Variants in TMTC3 observed in about 807,000 individuals in gnomAD.
TMTC3 encodes transmembrane O-mannosyltransferase targeting cadherins 3.
A neutral mutation model predicts 92.2 loss-of-function variants in TMTC3; 52 were observed. The ratio of observed to expected loss-of-function variants is 0.56; its 90% CI spans 0.45 to 0.71. TMTC3 has a LOEUF of 0.71. TMTC3 is among the 30% of genes least tolerant of loss of function. The pLI is 0.00. For missense variants in TMTC3, 896 were observed against 1,057.1 expected (o/e 0.85, Z 2.11); for synonymous variants, 339 against 363.3 (o/e 0.93, Z 0.76).
intron 2 of TMTC3, among the ~76,000 whole-genome samples, chr12:88,149,603 A>G (rs2040916781): frequency 1.3e-5 from 2 of 152,182 alleles, no homozygotes; most frequent in Admixed American, 6.5e-5. Context: ...GCACATAGAT[A>G]TTGAATAAAT....
chr12:88,156,417 T>C (rs182201046), intron 4 of TMTC3, among the ~76,000 whole-genome samples: 14 of 152,316 alleles, frequency 9.2e-5, no homozygotes, highest in African/African-American at 2.6e-4. Flanking sequence ...CTACCAGTGC[T>C]ACTAGGCACA....
intron 7 of TMTC3, among the ~76,000 whole-genome samples, chr12:88,170,490 A>C (rs2041192936): frequency 1.3e-5 from 2 of 152,170 alleles, no homozygotes; most frequent in African/African-American, 4.8e-5. Flanking sequence ...ATTTAAAAAA[A>C]CTGAAGTGTC....
At chr12:88,184,579 C>T (rs906406640) in intron 10 of TMTC3, among the ~76,000 whole-genome samples, 2 of 152,162 alleles carry the variant, frequency 1.3e-5, no homozygotes, top group African/African-American at 4.8e-5. Context: ...GGGAAGAAGG[C>T]TGAAAGAGAA....
At chr12:88,153,079 A>G (rs1310380883) in intron 2 of TMTC3, among the ~76,000 whole-genome samples, 1 of 152,172 alleles carries the variant, frequency 6.6e-6, no homozygotes, top group Non-Finnish European at 1.5e-5. Flanking sequence ...TCCAGGAGGA[A>G]ATTAACCTTG....
chr12:88,179,057 T>C (rs766831317), intron 10 of TMTC3, among the ~76,000 whole-genome samples: 6 of 152,214 alleles, frequency 3.9e-5, no homozygotes, highest in Non-Finnish European at 8.8e-5. Context: ...TCAGTTTGAC[T>C]TCACTATCAC....
At chr12:88,176,533 T>C (rs1389897285) in intron 10 of TMTC3, among the ~76,000 whole-genome samples, 1 of 152,134 alleles carries the variant, frequency 6.6e-6, no homozygotes. Context: ...CCCAGCACTT[T>C]GGGAGGCTGA....
Position 88,195,730 on chromosome 12 carries a change from A to C in TMTC3, c.*81A>C, listed in dbSNP as rs1356214703. 12 of 1,254,708 alleles carry C rather than the reference A, an allele frequency of 9.6e-6. No homozygotes were observed. The highest frequency in any genetic ancestry group is 1.3e-5 in the Non-Finnish European group (12 of 916,042). The allele number at this position is 1,254,708 out of a possible 1,614,324, so 77.7% of individuals were successfully genotyped here. A position where few individuals can be genotyped will look rare whatever the true frequency, so the allele number is the denominator to read the frequency against. ...TGCTTTTACTGGGAGCTTTGAAAAA[A>C]AGTTCAAGGGTTCCTAATGGTCAAT... is the stretch of plus-strand genomic sequence containing the variant. On this transcript the variant is annotated 3_prime_UTR_variant, in exon 14 of 14. Coordinates refer to ENST00000266712, the MANE Select transcript of TMTC3 (RefSeq NM_181783.4).
intron 13 of TMTC3, among the ~76,000 whole-genome samples, chr12:88,193,710 G>A (rs1002842347): frequency 3.9e-5 from 6 of 152,000 alleles, no homozygotes; most frequent in African/African-American, 7.3e-5. Flanking sequence ...TTTATCCATC[G>A]TGCTGCCAAA....
chr12:88,160,721 C>T lies in TMTC3; in HGVS notation c.667C>T (p.Arg223Cys), dbSNP rs1340823460. ...ATGTACTACTGCTGGACAGTTTCTC[C>T]GTGGAAAGGGTAGCATTCCATTTTC... The part of the protein sequence containing the change: ...LLCTTAGQFL[R>C]GKGSIPFSML... The change falls in exon 6 of 14, where the codon CGT becomes TGT. Residue 223 changes from arginine to cysteine, a missense_variant. Physicochemically the swap from Arg to Cys is radical, Grantham distance 180. Coordinates refer to ENST00000266712, the MANE Select transcript of TMTC3 (RefSeq NM_181783.4). 6 of 1,613,514 alleles carry T rather than the reference C, an allele frequency of 3.7e-6. No individual in the cohort carries two copies. Among genetic ancestry groups the T allele is most frequent in the East Asian group, 2.2e-5 (1 of 44,776 alleles).
At chr12:88,160,591 C>G in intron 5 of TMTC3, 88 bp from the exon 6 acceptor site, 1 of 1,140,246 alleles carries the variant, frequency 8.8e-7, no homozygotes, top group Non-Finnish European at 1.3e-6. Context: ...ATACTTGTAT[C>G]TAATCTTGCA....
intron 10 of TMTC3, among the ~76,000 whole-genome samples, chr12:88,182,781 G>C (rs909240305): frequency 1.3e-5 from 2 of 152,192 alleles, no homozygotes; most frequent in Non-Finnish European, 2.9e-5. Context: ...TGGTAGGACT[G>C]TTCAGCATCC....
intron 1 of TMTC3, among the ~76,000 whole-genome samples, chr12:88,146,307 G>A (rs2040872864): frequency 6.6e-6 from 1 of 152,010 alleles, no homozygotes; most frequent in Non-Finnish European, 1.5e-5. Flanking sequence ...CATTGATTCA[G>A]GATGTACCTT....
chr12:88,151,268 C>T (rs2040939805), intron 2 of TMTC3, among the ~76,000 whole-genome samples: 1 of 152,078 alleles, frequency 6.6e-6, no homozygotes, highest in South Asian at 2.1e-4. Flanking sequence ...GGCATTTGGC[C>T]TATAAAGTAC....
chr12:88,191,579 G>A (rs1355651582), intron 12 of TMTC3, among the ~76,000 whole-genome samples: 1 of 152,064 alleles, frequency 6.6e-6, no homozygotes, highest in African/African-American at 2.4e-5. Flanking sequence ...ACAGAAAATA[G>A]AACCACACTA....
intron 6 of TMTC3, among the ~76,000 whole-genome samples, chr12:88,162,198 C>G (rs900415710): frequency 6.6e-6 from 1 of 152,050 alleles, no homozygotes; most frequent in Non-Finnish European, 1.5e-5. Context: ...GTGGGAAAAC[C>G]TCTATCATCC....
chr12:88,169,988 CT>C (rs1167285324), intron 7 of TMTC3, among the ~76,000 whole-genome samples: 1 of 151,258 alleles, frequency 6.6e-6, no homozygotes, highest in Non-Finnish European at 1.5e-5. Context: ...CTGGAGGTGA[CT>C]GAGTGGTTTG....
chr12:88,193,086 A>T (rs910218477), intron 13 of TMTC3, among the ~76,000 whole-genome samples: 2 of 152,176 alleles, frequency 1.3e-5, no homozygotes, highest in African/African-American at 2.4e-5. Flanking sequence ...CAGGCAGTCT[A>T]TTAAGCAACA....
rs778078472 is a variant in TMTC3 at position 88,148,488 on chromosome 12, G to A, written c.173G>A (p.Gly58Glu). Residue 58 changes from glycine to glutamate, a missense_variant, in exon 2 of 14, where the codon GGA becomes GAA. By Grantham distance (98) the Gly-to-Glu change is moderately conservative (BLOSUM62 -2). Coordinates refer to ENST00000266712, the MANE Select transcript of TMTC3 (RefSeq NM_181783.4). ...ACTTTATTTCAAAATGACTTCTGGG[G>A]AACCCCTATGTCTGAGGTAAGTAAT... ...LKTLFQNDFW[G>E]TPMSEERSHK... 1 of 1,609,274 alleles carries A rather than the reference G, an allele frequency of 6.2e-7. No individual in the cohort carries two copies. The highest frequency in any genetic ancestry group is 1.1e-5 in the South Asian group (1 of 90,092).
Position 88,144,006 on chromosome 12 carries a change from C to G in TMTC3, c.-29+1519C>G, listed in dbSNP as rs533074233. 3.9e-5 allele frequency among the ~76,000 whole-genome samples: 6 copies of G among 152,246 alleles called. No individual in the cohort carries two copies. In the South Asian group the frequency reaches 1.2e-3, roughly 32 times the overall value. On this transcript the variant is annotated intron_variant, in intron 1 of 13. Transcript: ENST00000266712. ...ACTGTCATAGCACTGGTGGGAGTGT[C>G]TTTTAGGATGCTAATGCATTATAAT...
Sources: allele counts gnomAD v4.1 joint callset (sites outside exome capture counted in the v4.1 genomes callset), GRCh38; gene constraint gnomAD v4.1.1; transcripts MANE v1.5; gene names NCBI Gene and HGNC (gene_info 2026-07-23, HGNC 2026-07-21).